The following DOCK4 variants were observed in gnomAD, a reference collection of about 807,000 sequenced individuals.
DOCK4 encodes the protein dedicator of cytokinesis protein 4.
Under a neutral mutation model 268.1 loss-of-function variants are expected in DOCK4, and 97 were observed. The observed-to-expected ratio is 0.36, with a 90% confidence interval of 0.31 to 0.43. DOCK4 has a LOEUF of 0.43. DOCK4 is among the 20% of genes least tolerant of loss of function. DOCK4 has a pLI of 1.00. For synonymous variants in DOCK4, 954 were observed against 887.2 expected (o/e 1.08, Z -1.34); for missense variants, 2,145 against 2,455.7 (o/e 0.87, Z 2.67).
At chr7:112,033,204 T>C (rs1803439115) in intron 1 of DOCK4, among the ~76,000 whole-genome samples, 1 of 152,196 alleles carries the variant, frequency 6.6e-6, no homozygotes, top group Admixed American at 6.5e-5. Flanking sequence ...TAGGCCAAGC[T>C]TCTTCATTGT....
At chr7:111,841,948 C>A (rs1803732100) in intron 25 of DOCK4, among the ~76,000 whole-genome samples, 1 of 152,238 alleles carries the variant, frequency 6.6e-6, no homozygotes, top group African/African-American at 2.4e-5. Flanking sequence ...AGCTTCTGAT[C>A]TCAGGCAATC....
rs568482042 is a variant in DOCK4, at chr7:111,782,961, C to T, written c.3525-37G>A. 1.9e-6 allele frequency: 3 copies of T among 1,562,664 alleles called. No individual in the cohort carries two copies. The East Asian group carries it at 6.7e-5, about 35-fold the overall frequency. ...AAGCAATAGTCAGAACTCAGAACTTCCTTCCTAGGGGCAAACACAGTTTGT... is the reference window on the plus strand; with the variant it reads ...AAGCAATAGTCAGAACTCAGAACTTTCTTCCTAGGGGCAAACACAGTTTGT... On this transcript the variant is annotated intron_variant, in intron 34 of 52. Transcript: ENST00000428084.
At chr7:112,090,204 G>A (rs1172194034) in intron 1 of DOCK4, among the ~76,000 whole-genome samples, 3 of 151,852 alleles carry the variant, frequency 2.0e-5, no homozygotes, top group Non-Finnish European at 2.9e-5. Context: ...AAAATTATAT[G>A]GTATCATTAG....
At position 112,132,094 on chromosome 7, in the gene DOCK4, T is replaced by A. The variant is rs142729498; in HGVS notation, c.37+74008A>T. Among the ~76,000 whole-genome samples the A allele has an allele frequency of 1.2e-3, 177 of 152,258 alleles. 1 individual carries two copies. Among genetic ancestry groups the A allele is most frequent in the Middle Eastern group, 0.01 (3 of 294 alleles). The stretch of plus-strand genomic sequence containing the variant: ...GATGAAACGAGCATGGGGTGGGAGT[T>A]TGGCAGCCCTTAGACCATTAGGAAA... On this transcript the variant is annotated intron_variant, in intron 1 of 52. Transcript: ENST00000428084.
chr7:111,734,231 C>T (rs553861505), intron 51 of DOCK4, among the ~76,000 whole-genome samples: 83 of 151,978 alleles, frequency 5.5e-4, no homozygotes, highest in African/African-American at 2.0e-3. Context: ...TGTGAACTAC[C>T]TTATTTGGCC....
intron 13 of DOCK4, among the ~76,000 whole-genome samples, chr7:111,909,963 A>T (rs991989723): frequency 6.6e-6 from 1 of 151,814 alleles, no homozygotes; most frequent in Non-Finnish European, 1.5e-5. Flanking sequence ...CCCTGTTTAA[A>T]AAAAAAGAAA....
At chr7:111,759,934 C>T (rs926610695) in intron 40 of DOCK4, among the ~76,000 whole-genome samples, 2 of 152,060 alleles carry the variant, frequency 1.3e-5, no homozygotes, top group African/African-American at 4.8e-5. Context: ...TTGAGCTATA[C>T]AAGAGGTTTA....
At chr7:112,040,166 T>A (rs573958819) in intron 1 of DOCK4, among the ~76,000 whole-genome samples, 64 of 152,246 alleles carry the variant, frequency 4.2e-4, no homozygotes, top group African/African-American at 1.5e-3. Flanking sequence ...GAATGGAAAT[T>A]CTTCAACAAG....
intron 1 of DOCK4, among the ~76,000 whole-genome samples, chr7:112,066,893 C>G (rs1338594317): frequency 6.6e-6 from 1 of 150,386 alleles, no homozygotes; most frequent in Non-Finnish European, 1.5e-5. Context: ...GCCTGTAATC[C>G]CAGCACTTTG....
At chr7:112,123,820 C>T (rs1812967849) in intron 1 of DOCK4, among the ~76,000 whole-genome samples, 1 of 152,090 alleles carries the variant, frequency 6.6e-6, no homozygotes, top group Non-Finnish European at 1.5e-5. Flanking sequence ...GGAAGAAAAA[C>T]CTGCTTTAAA....
chr7:111,914,603 A>AT (rs1225304822), intron 13 of DOCK4, among the ~76,000 whole-genome samples: 1 of 152,110 alleles, frequency 6.6e-6, no homozygotes, highest in Admixed American at 6.6e-5. Context: ...TATGCCTGGA[A>AT]TCCTCTTATC....
intron 23 of DOCK4, among the ~76,000 whole-genome samples, chr7:111,847,950 T>C (rs2134098027): frequency 6.6e-6 from 1 of 152,340 alleles, no homozygotes; most frequent in East Asian, 1.9e-4. Context: ...CAAACCTTTG[T>C]ACATGAATGG....
Position 111,926,510 on chromosome 7 carries a change from G to A in DOCK4, c.1066+9030C>T, listed in dbSNP as rs187486378. 2.2e-3 allele frequency among the ~76,000 whole-genome samples: 310 copies of A among 142,906 alleles called. 5 individuals carry two copies. The highest frequency in any genetic ancestry group is 3.9e-3 in the Non-Finnish European group (259 of 65,920). The allele number at this position is 142,906 out of a possible 152,430, so 93.8% of individuals were successfully genotyped here. A position where few individuals can be genotyped will look rare whatever the true frequency, so the allele number is the denominator to read the frequency against. ...AGAAAGAAACAAAGAAAAAAAGAAG[G>A]AAGAAAAAAAGAAAGAAAAAGAGAA... On this transcript the variant is annotated intron_variant, in intron 12 of 52. Transcript: ENST00000428084.
At chr7:111,813,740 C>A (rs566776250) in intron 27 of DOCK4, among the ~76,000 whole-genome samples, 2 of 152,078 alleles carry the variant, frequency 1.3e-5, no homozygotes, top group Non-Finnish European at 2.9e-5. Context: ...TGGTATAATG[C>A]GGCAATTTCC....
rs1481512793 is a variant in DOCK4, at chr7:111,877,110, T to C, written c.1664A>G (p.Asn555Ser). 6.3e-7 allele frequency: 1 copy of C among 1,594,274 alleles called. No homozygotes were observed. Among genetic ancestry groups the C allele is most frequent in the Admixed American group, 1.8e-5 (1 of 56,666 alleles). Residue 555 changes from asparagine to serine, a missense_variant, in exon 17 of 53, where the codon AAT becomes AGT. This residue lies in a region of DOCK4 where 1,598 missense variants were observed against 1,986.7 expected (regional missense o/e 0.80). Transcript: ENST00000428084. ...LPFSKGIFLGNNNQAMKATKE... is the reference protein window; with the variant it reads ...LPFSKGIFLGSNNQAMKATKE... ...TGTGGCCTTCATGGCTTGATTATTA[T>C]TCCCAAGGAAAATGCCCTTGGAAAA...
chr7:111,921,140 C>T (rs937098455), intron 12 of DOCK4, among the ~76,000 whole-genome samples: 1 of 151,970 alleles, frequency 6.6e-6, no homozygotes, highest in African/African-American at 2.4e-5. Context: ...TTGGAAGAAA[C>T]GTAATCATTA....
At chr7:112,036,226 CA>C (rs547201705) in intron 1 of DOCK4, among the ~76,000 whole-genome samples, 5 of 147,410 alleles carry the variant, frequency 3.4e-5, no homozygotes, top group East Asian at 2.0e-4. Flanking sequence ...ATAAACAAAC[CA>C]AAAAAAAAGG....
chr7:111,861,869 A>C (rs1805563838), intron 23 of DOCK4, among the ~76,000 whole-genome samples: 1 of 151,868 alleles, frequency 6.6e-6, no homozygotes, highest in African/African-American at 2.4e-5. Context: ...AAAAAACCAT[A>C]CTATATATTT....
chr7:112,193,598 T>TAA (rs564039337), intron 1 of DOCK4, among the ~76,000 whole-genome samples: 1,445 of 132,174 alleles, frequency 0.011, 19 homozygotes, highest in African/African-American at 0.036. Context: ...GACCATGCCT[T>TAA]AAAAAAAAAA....
Sources: allele counts gnomAD v4.1 joint callset (sites outside exome capture counted in the v4.1 genomes callset), GRCh38; gene constraint gnomAD v4.1.1; regional missense constraint gnomAD v4.1.1; transcripts MANE v1.5; gene names NCBI Gene and HGNC (gene_info 2026-07-23, HGNC 2026-07-21).